The following RGS6 variants were observed in gnomAD, a reference collection of about 807,000 sequenced individuals.
RGS6 encodes regulator of G protein signaling 6.
Under a neutral mutation model 78.5 loss-of-function variants are expected in RGS6, and 30 were observed. That is an observed-to-expected ratio of 0.38 (90% CI 0.29 to 0.52). The LOEUF is 0.52. RGS6 is among the 20% of genes least tolerant of loss of function. The pLI is 0.85. For synonymous variants in RGS6, 206 were observed against 206.0 expected (o/e 1.00, Z 0.00); for missense variants, 495 against 609.7 (o/e 0.81, Z 1.98).
chr14:71,913,469 G>A, the RGS6 span, among the ~76,000 whole-genome samples: 3 of 152,196 alleles, frequency 2.0e-5, no homozygotes, highest in African/African-American at 7.2e-5. Context: ...GTTAACAGAG[G>A]AAAGTGGGCT....
intron 12 of RGS6, among the ~76,000 whole-genome samples, chr14:72,493,593 T>C (rs2096606525): frequency 6.6e-6 from 1 of 152,154 alleles, no homozygotes. Context: ...TTTTCTTATC[T>C]ATCACACACT....
At chr14:72,268,959 T>C (rs1315928346) in intron 2 of RGS6, among the ~76,000 whole-genome samples, 1 of 152,192 alleles carries the variant, frequency 6.6e-6, no homozygotes, top group Non-Finnish European at 1.5e-5. Flanking sequence ...CGACCTGATC[T>C]CTCTCTTTCT....
the RGS6 span, among the ~76,000 whole-genome samples, chr14:71,921,389 G>A: frequency 6.6e-6 from 1 of 152,202 alleles, no homozygotes; most frequent in African/African-American, 2.4e-5. Flanking sequence ...AAAGGAAATG[G>A]AATTTGTATT....
chr14:72,392,810 G>T (rs752153848), intron 3 of RGS6, among the ~76,000 whole-genome samples: 1 of 152,032 alleles, frequency 6.6e-6, no homozygotes, highest in Non-Finnish European at 1.5e-5. Flanking sequence ...CCTCACCCTG[G>T]TCTCCAGGGT....
chr14:72,120,495 A>T (rs533035968), intron 2 of RGS6, among the ~76,000 whole-genome samples: 4 of 152,128 alleles, frequency 2.6e-5, no homozygotes, highest in African/African-American at 9.7e-5. Context: ...AAGAAATGAA[A>T]ACATATTATG....
intron 11 of RGS6, among the ~76,000 whole-genome samples, chr14:72,477,964 G>A (rs1269807985): frequency 6.6e-6 from 1 of 152,200 alleles, no homozygotes; most frequent in African/African-American, 2.4e-5. Context: ...CATTTCACCT[G>A]TCCATGCTGT....
chr14:72,500,854 A>T (rs1345085070), intron 13 of RGS6, among the ~76,000 whole-genome samples: 1 of 152,208 alleles, frequency 6.6e-6, no homozygotes, highest in East Asian at 1.9e-4. Context: ...GGCCAGGGAA[A>T]TGCCTAGCAT....
intron 3 of RGS6, among the ~76,000 whole-genome samples, chr14:72,431,827 C>T (rs2094658321): frequency 6.6e-6 from 1 of 152,154 alleles, no homozygotes; most frequent in African/African-American, 2.4e-5. Flanking sequence ...TCAGCTTGGA[C>T]CGCCTTTTCT....
rs527881307 is a variant in RGS6, at chr14:72,006,088, A to G, written c.84+41213A>G. 3.9e-5 allele frequency among the ~76,000 whole-genome samples: 6 copies of G among 152,282 alleles called. No individual in the cohort carries two copies. In the South Asian group the frequency reaches 1.2e-3, roughly 32 times the overall value. ...GTAGGACATGCAAAAAGAGAAATGCATGCAAATGCTTCCTATAGGCAGGAG... is the reference window on the plus strand; with the variant it reads ...GTAGGACATGCAAAAAGAGAAATGCGTGCAAATGCTTCCTATAGGCAGGAG... On this transcript the variant is annotated intron_variant, in intron 2 of 17. Transcript: ENST00000553525.
intron 9 of RGS6, among the ~76,000 whole-genome samples, chr14:72,474,384 A>C (rs1454555504): frequency 6.6e-6 from 1 of 152,196 alleles, no homozygotes; most frequent in East Asian, 1.9e-4. Context: ...TTAAATAGCT[A>C]ATTTGCTCTT....
intron 2 of RGS6, among the ~76,000 whole-genome samples, chr14:72,131,877 A>G (rs571992321): frequency 2.6e-5 from 4 of 152,354 alleles, no homozygotes; most frequent in East Asian, 3.9e-4. Context: ...GAAGCCCACC[A>G]TGGGGCTAGG....
chr14:72,520,118 T>C (rs2097014186), intron 15 of RGS6, among the ~76,000 whole-genome samples: 1 of 152,310 alleles, frequency 6.6e-6, no homozygotes, highest in Non-Finnish European at 1.5e-5. Flanking sequence ...AAATCCAAGA[T>C]GTTGCATCAT....
rs577064363 is a variant in RGS6, at chr14:72,371,355, G to C, written c.184+19161G>C. 2.4e-3 allele frequency among the ~76,000 whole-genome samples: 359 copies of C among 152,066 alleles called. 4 individuals carry two copies. Among genetic ancestry groups the C allele is most frequent in the Middle Eastern group, 0.01 (3 of 294 alleles). On this transcript the variant is annotated intron_variant, in intron 3 of 17. Coordinates refer to ENST00000553525, the MANE Select transcript of RGS6 (RefSeq NM_001204424.2). ...CTTGTTTGATTTTTTTCTCCTGGAA[G>C]AAAAAATGCTAAGTGGAATGAAGGA...
intron 4 of RGS6, 73 bp downstream of exon 4, chr14:72,454,651 A>G: frequency 8.1e-7 from 1 of 1,229,140 alleles, no homozygotes. Context: ...TCCAAACTAG[A>G]TTCCCCTGCC....
At chr14:72,124,118 A>C (rs1474228692) in intron 2 of RGS6, among the ~76,000 whole-genome samples, 1 of 152,234 alleles carries the variant, frequency 6.6e-6, no homozygotes, top group Non-Finnish European at 1.5e-5. Flanking sequence ...CAGCAGAGGC[A>C]CAGAATGCTG....
upstream of RGS6, among the ~76,000 whole-genome samples, chr14:71,928,844 G>A (rs1028836989): frequency 2.0e-5 from 3 of 152,130 alleles, no homozygotes; most frequent in Admixed American, 2.0e-4. Flanking sequence ...TATTCACAAA[G>A]TAATAGATCA....
chr14:72,201,807 T>TATCATCTGTG (rs1399282789), intron 2 of RGS6, among the ~76,000 whole-genome samples: 6 of 152,180 alleles, frequency 3.9e-5, no homozygotes, highest in African/African-American at 1.4e-4. Flanking sequence ...ACATAATGTC[T>TATCATCTGTG]ATCATCTGTG....
At chr14:72,157,475 G>C (rs1003655494) in intron 2 of RGS6, among the ~76,000 whole-genome samples, 1 of 152,202 alleles carries the variant, frequency 6.6e-6, no homozygotes, top group East Asian at 1.9e-4. Flanking sequence ...GAGGTGCTAT[G>C]TGTGGCTGAA....
At chr14:72,417,798 A>G (rs1051277071) in intron 3 of RGS6, among the ~76,000 whole-genome samples, 10 of 152,238 alleles carry the variant, frequency 6.6e-5, no homozygotes, top group Non-Finnish European at 2.9e-5. Context: ...AATCAGAGCT[A>G]TGTAGGTGCT....
Sources: gnomAD v4.1 joint callset for allele counts (sites outside exome capture counted in the v4.1 genomes callset) on GRCh38, gnomAD v4.1.1 for gene constraint, MANE v1.5 for transcripts, NCBI Gene and HGNC (gene_info 2026-07-23, HGNC 2026-07-21) for gene names.